The following UBAP1L variants were observed in gnomAD, a reference collection of about 807,000 sequenced individuals.
UBAP1L encodes the protein ubiquitin-associated protein 1-like.
Under a neutral mutation model 32.1 loss-of-function variants are expected in UBAP1L, and 32 were observed. The ratio of observed to expected loss-of-function variants is 1.00; its 90% confidence interval spans 0.75 to 1.34. The LOEUF (loss-of-function observed/expected upper bound fraction) is 1.34. Ranked by LOEUF, UBAP1L falls within the 40% of genes most tolerant of loss-of-function variation. UBAP1L has a pLI of 0.00. For synonymous variants in UBAP1L, 243 were observed against 250.2 expected, an observed-to-expected ratio of 0.97 and a Z score of 0.27; for missense variants, 516 against 540.5, an observed-to-expected ratio of 0.95 and a Z score of 0.45.
Position 65,094,394 on chromosome 15 carries a change from G to C in UBAP1L, c.1011+81C>G. ...GACCCACAGACTGGCTCTGAGGACT[G>C]GTGTGGCCCTGCACACCGGGCTCCT... is the stretch of plus-strand genomic sequence containing the variant. On this transcript the variant is annotated intron_variant, in intron 5 of 5. Transcript: ENST00000559089. The surrounding 1 kb of genome is among the most constrained non-coding windows in gnomAD (Gnocchi z 4.2). The C allele has an allele frequency of 1.0e-6, 1 of 970,936 alleles. No homozygotes were observed. Among genetic ancestry groups the C allele is most frequent in the Non-Finnish European group, 1.5e-6 (1 of 652,916 alleles). The allele number at this position is 970,936 out of a possible 1,614,324, so 60.1% of individuals were successfully genotyped here. A position where few individuals can be genotyped will look rare whatever the true frequency, so the allele number is the denominator to read the frequency against.
chr15:65,114,363 T>C (rs1324123741), intron 1 of UBAP1L, among the ~76,000 whole-genome samples: 1 of 152,214 alleles, frequency 6.6e-6, no homozygotes, highest in Non-Finnish European at 1.5e-5. Flanking sequence ...GAACCATGTC[T>C]TTCTTTCAAA....
At chr15:65,110,118 T>C (rs1450495916) in intron 1 of UBAP1L, among the ~76,000 whole-genome samples, 3 of 152,054 alleles carry the variant, frequency 2.0e-5, no homozygotes, top group Non-Finnish European at 4.4e-5. Flanking sequence ...CCCAGCACTT[T>C]GGGAGGCTGA....
At chr15:65,093,982 G>A (rs1431336746) in intron 5 of UBAP1L, among the ~76,000 whole-genome samples, 1 of 152,234 alleles carries the variant, frequency 6.6e-6, no homozygotes, top group Non-Finnish European at 1.5e-5. Flanking sequence ...CGGGGGCAGA[G>A]GTTGCAGTGA....
intron 4 of UBAP1L, chr15:65,095,451 TGTCA>T (rs1450630218): frequency 3.3e-5 from 5 of 152,306 alleles, no homozygotes; most frequent in Admixed American, 1.3e-4. Flanking sequence ...GGAGGGGCTG[TGTCA>T]GTCTCATTCA....
Position 65,102,366 on chromosome 15 carries a change from C to A in UBAP1L, c.439G>T (p.Val147Leu), listed in dbSNP as rs2087252791. Residue 147 changes from valine (V) to leucine (L), a missense_variant, in exon 3 of 6, where the codon GTG becomes TTG. Val to Leu is a conservative substitution (Grantham distance 32, BLOSUM62 1). Transcript: ENST00000559089. This position sits in a 1 kb window ranked among gnomAD's most constrained non-coding sequence, Gnocchi z 5.0. ...GPGRRLCSLD[V>L]LRGVRLELAG... The stretch of plus-strand genomic sequence containing the variant: ...AGCTCCAACCGCACGCCGCGTAGCA[C>A]GTCCAGCGAGCACAGGCGACGGCCG... 6.8e-7 allele frequency: 1 copy of A among 1,476,642 alleles called. No individual in the cohort carries two copies. Among genetic ancestry groups the A allele is most frequent in the African/African-American group, 1.5e-5 (1 of 67,550 alleles). 91.5% of individuals were successfully genotyped at this position (1,476,642 alleles called of 1,614,324 possible). A position where few individuals can be genotyped will look rare whatever the true frequency, so the allele number is the denominator to read the frequency against.
chr15:65,104,317 A>G (rs946400825), intron 2 of UBAP1L, among the ~76,000 whole-genome samples: 1 of 151,986 alleles, frequency 6.6e-6, no homozygotes, highest in Non-Finnish European at 1.5e-5. Context: ...AGAGAGAGAG[A>G]GAGAAAGAGA....
chr15:65,101,699 C>A (rs2087240723), intron 3 of UBAP1L: 1 of 156,468 alleles, frequency 6.4e-6, no homozygotes, highest in Admixed American at 6.5e-5. Context: ...GCGTTGCGTT[C>A]ATCAATTCAA....
At chr15:65,099,861 C>G (rs190785822) in intron 3 of UBAP1L, 147 bp from the exon 4 acceptor site, 1 of 658,706 alleles carries the variant, frequency 1.5e-6, no homozygotes, top group Non-Finnish European at 2.6e-6. Context: ...CTGCAGACCC[C>G]AGCTCTCTAA....
At chr15:65,109,211 G>A (rs1448883009) in intron 1 of UBAP1L, among the ~76,000 whole-genome samples, 5 of 150,084 alleles carry the variant, frequency 3.3e-5, no homozygotes, top group Admixed American at 6.6e-5. Context: ...TTGGCCGGGC[G>A]TGGTGGCTCA....
At position 65,105,138 on chromosome 15, in the gene UBAP1L, C is replaced by T. The variant is rs143909068; in HGVS notation, c.120+958G>A. The T allele has an allele frequency of 5.9e-3, 1,162 of 196,338 alleles. 8 individuals are homozygous for T. The highest frequency in any genetic ancestry group is 8.7e-3 in the Middle Eastern group (4 of 462). 12.2% of individuals were successfully genotyped at this position (196,338 alleles called of 1,614,324 possible). A position where few individuals can be genotyped will look rare whatever the true frequency, so the allele number is the denominator to read the frequency against. ...AGGCTGCAGTGAGCCATGTTCATGC[C>T]GCTGCACTCCAGCCTGGGCGACAGA... On this transcript the variant is annotated intron_variant, in intron 2 of 5. Coordinates refer to ENST00000559089, the MANE Select transcript of UBAP1L (RefSeq NM_001163692.2).
chr15:65,099,233 G>T, intron 4 of UBAP1L: 1 of 443,818 alleles, frequency 2.3e-6, no homozygotes, highest in East Asian at 4.2e-5. Context: ...CTCTTCAGTT[G>T]TCTGCCCCTT....
chr15:65,107,152 T>C (rs544623259), intron 1 of UBAP1L, among the ~76,000 whole-genome samples: 93 of 152,152 alleles, frequency 6.1e-4, no homozygotes, highest in Non-Finnish European at 1.1e-3. Flanking sequence ...TGAAAAATTA[T>C]ATAATTATAT....
chr15:65,102,541 C>A lies in UBAP1L; in HGVS notation c.264G>T (p.Ala88=). Residue 88 remains alanine (A), a synonymous_variant, in exon 3 of 6, where the codon GCG becomes GCT. Coordinates refer to ENST00000559089, the MANE Select transcript of UBAP1L (RefSeq NM_001163692.2). This position sits in a 1 kb window ranked among gnomAD's most constrained non-coding sequence, Gnocchi z 5.0. ...GGTCTCTGATTGTGGTGGGCGCAGGCGCCAGCCCATGTTCGGGGCTGACTA... is the reference window on the plus strand; with the variant it reads ...GGTCTCTGATTGTGGTGGGCGCAGGAGCCAGCCCATGTTCGGGGCTGACTA... ...LLLVSPEHGL[A]PAPTTIRDPE... The A allele has an allele frequency of 6.6e-7, 1 of 1,522,126 alleles. No homozygotes were observed. The highest frequency in any genetic ancestry group is 8.8e-7 in the Non-Finnish European group (1 of 1,134,334). The allele number at this position is 1,522,126 out of a possible 1,614,324, so 94.3% of individuals were successfully genotyped here. A position where few individuals can be genotyped will look rare whatever the true frequency, so the allele number is the denominator to read the frequency against.
At chr15:65,100,417 C>T (rs2087227792) in intron 3 of UBAP1L, 1 of 152,212 alleles carries the variant, frequency 6.6e-6, no homozygotes, top group African/African-American at 2.4e-5. Context: ...TTATGCCCCA[C>T]ACCTTGGTGA....
At chr15:65,096,392 C>G (rs1240881875) in intron 4 of UBAP1L, 1 of 152,216 alleles carries the variant, frequency 6.6e-6, no homozygotes. Flanking sequence ...TGAATGGGGA[C>G]AGCTGACCTT....
chr15:65,102,339 C>A lies in UBAP1L; in HGVS notation c.466G>T (p.Ala156Ser). 1 of 1,464,128 alleles carries A rather than the reference C, an allele frequency of 6.8e-7. No homozygotes were observed. The highest frequency in any genetic ancestry group is 9.0e-7 in the Non-Finnish European group (1 of 1,116,390). The allele number at this position is 1,464,128 out of a possible 1,614,324, so 90.7% of individuals were successfully genotyped here. Residue 156 changes from alanine (A) to serine (S), a missense_variant, in exon 3 of 6, where the codon GCA (alanine) becomes TCA (serine). Coordinates refer to ENST00000559089, the MANE Select transcript of UBAP1L (RefSeq NM_001163692.2). The surrounding 1 kb of genome is among the most constrained non-coding windows in gnomAD (Gnocchi z 5.0). ...DVLRGVRLEL[A>S]GARRRLSEGK... ...TCGGAGAGCCGCCGCCGCGCCCCTG[C>A]CAGCTCCAACCGCACGCCGCGTAGC...
chr15:65,096,935 G>A (rs1215992691), intron 4 of UBAP1L: 2 of 152,256 alleles, frequency 1.3e-5, no homozygotes, highest in South Asian at 2.1e-4. Flanking sequence ...TGCAATATGC[G>A]GCTTTCAGTG....
At chr15:65,101,986 C>G in intron 3 of UBAP1L, 120 bp downstream of exon 3, 4 of 377,668 alleles carry the variant, frequency 1.1e-5, no homozygotes, top group Non-Finnish European at 1.8e-5. Flanking sequence ...GGGAGCAGGT[C>G]AAGGGAGGAT....
Position 65,099,542 on chromosome 15 carries a change from AT to A in UBAP1L, c.871del (p.Ile291Ter), listed in dbSNP as rs1232759043. 1.5e-5 allele frequency: 23 copies of A among 1,551,140 alleles called. No homozygotes were observed. The highest frequency in any genetic ancestry group is 1.8e-5 in the Non-Finnish European group (21 of 1,146,914). ...CTGCCTCCCTGTCTTCTGCAGAGCT[AT>A]GATGGCCCTTCGCAGGGGATATCCC... is the stretch of plus-strand genomic sequence containing the variant. ...ALGYPLRRAI[I>X]ALQKTGRQSL... On this transcript the variant is annotated frameshift_variant, in exon 4 of 6. Coordinates refer to ENST00000559089, the MANE Select transcript of UBAP1L (RefSeq NM_001163692.2). LOFTEE classifies it high-confidence loss of function.
Sources: gnomAD v4.1 joint callset for allele counts (sites outside exome capture counted in the v4.1 genomes callset) on GRCh38, gnomAD v4.1.1 for gene constraint, Gnocchi (gnomAD v3.1) non-coding constraint, MANE v1.5 for transcripts, NCBI Gene and HGNC (gene_info 2026-07-23, HGNC 2026-07-21) for gene names.